NPFFR2: variants seen among roughly 807,000 people sequenced by gnomAD.
The protein encoded by NPFFR2 is neuropeptide FF receptor 2, also known as G-protein coupled receptor 74.
A neutral mutation model predicts 13.1 loss-of-function variants in NPFFR2; 15 were observed. That is an observed-to-expected ratio of 1.15 (90% confidence interval 0.77 to 1.76). The LOEUF (loss-of-function observed/expected upper bound fraction) is 1.76. Among genes scored for constraint, NPFFR2 ranks in the 40% most tolerant of loss-of-function variants. NPFFR2 has a pLI of 0.00. For synonymous variants in NPFFR2, 190 were observed against 175.7 expected, an observed-to-expected ratio of 1.08 and a Z score of -0.65; for missense variants, 572 against 503.5, an observed-to-expected ratio of 1.14 and a Z score of -1.30.
At chr4:72,129,039 C>T in intron 2 of NPFFR2, 120 bp downstream of exon 2, 1 of 746,986 alleles carries the variant, frequency 1.3e-6, no homozygotes, top group Non-Finnish European at 2.2e-6. Flanking sequence ...ATTCCAGGAA[C>T]TGATCCAGGC....
In NPFFR2 at chr4:72,032,070, G is replaced by C. The variant is rs1195354906; in HGVS notation, c.-138G>C. 1.5e-5 allele frequency: 24 copies of C among 1,613,972 alleles called. No individual in the cohort carries two copies. Among genetic ancestry groups the C allele is most frequent in the Non-Finnish European group, 2.0e-5 (24 of 1,179,990 alleles). ...GGAGTGGAGCAGGCAGTCCGCGGGG[G>C]ACAGACGTCGGCTGGGATTGAGCCG... On this transcript the variant is annotated 5_prime_UTR_variant, in exon 1 of 4. Coordinates refer to ENST00000308744, the MANE Select transcript of NPFFR2 (RefSeq NM_004885.3).
chr4:72,104,811 TAGTA>T (rs1721372418), intron 1 of NPFFR2, among the ~76,000 whole-genome samples: 1 of 151,990 alleles, frequency 6.6e-6, no homozygotes, highest in Non-Finnish European at 1.5e-5. Context: ...ACAGGAGAAT[TAGTA>T]TGAAATATAC....
chr4:72,063,913 G>T (rs1719993814), intron 1 of NPFFR2, among the ~76,000 whole-genome samples: 1 of 152,192 alleles, frequency 6.6e-6, no homozygotes, highest in Non-Finnish European at 1.5e-5. Flanking sequence ...TGTCTATGTG[G>T]CTAGAGAATG....
chr4:72,143,618 A>G (rs2109849128), intron 3 of NPFFR2, among the ~76,000 whole-genome samples: 1 of 152,296 alleles, frequency 6.6e-6, no homozygotes, highest in Admixed American at 6.5e-5. Flanking sequence ...ATTCAATCTC[A>G]GCACCCCTTG....
At chr4:72,035,499 C>G (rs567478689) in intron 1 of NPFFR2, among the ~76,000 whole-genome samples, 2 of 150,848 alleles carry the variant, frequency 1.3e-5, no homozygotes, top group Non-Finnish European at 2.9e-5. Context: ...ATAGTTTAGC[C>G]CCCCCTAAAA....
At chr4:72,097,196 C>T (rs1231287658) in intron 1 of NPFFR2, among the ~76,000 whole-genome samples, 1 of 151,994 alleles carries the variant, frequency 6.6e-6, no homozygotes, top group East Asian at 1.9e-4. Flanking sequence ...TTTATAGTTT[C>T]ACTAATAATT....
intron 1 of NPFFR2, among the ~76,000 whole-genome samples, chr4:72,056,064 T>C (rs540130946): frequency 6.6e-6 from 1 of 152,080 alleles, no homozygotes; most frequent in African/African-American, 2.4e-5. Flanking sequence ...ACTAAGATGA[T>C]TGATGAAAGT....
chr4:72,135,015 CTTAA>C (rs1560422071), intron 2 of NPFFR2, among the ~76,000 whole-genome samples: 1 of 152,038 alleles, frequency 6.6e-6, no homozygotes, highest in Non-Finnish European at 1.5e-5. Context: ...TGCCCTCACA[CTTAA>C]TTAGTTAGCT....
chr4:72,033,802 T>A (rs1181430561), intron 1 of NPFFR2, among the ~76,000 whole-genome samples: 1 of 152,232 alleles, frequency 6.6e-6, no homozygotes, highest in Non-Finnish European at 1.5e-5. Context: ...CTTTTACAGA[T>A]GTCAAAGACT....
At position 72,147,485 on chromosome 4, in the gene NPFFR2, C is replaced by G. The variant is rs149158376; in HGVS notation, c.936C>G (p.Ile312Met). 4.5e-5 allele frequency: 73 copies of G among 1,614,076 alleles called. No homozygotes were observed. The highest frequency in any genetic ancestry group is 6.1e-5 in the Non-Finnish European group (72 of 1,180,048). Residue 312 changes from isoleucine to methionine, a missense_variant, in exon 4 of 4, where the codon ATC (isoleucine) becomes ATG (methionine). Coordinates refer to ENST00000308744, the MANE Select transcript of NPFFR2 (RefSeq NM_004885.3). ...LSPNELQIIN[I>M]YIYPFAHWLA... ...CAAATGAACTGCAGATCATCAACAT[C>G]TACATCTACCCTTTTGCACACTGGC...
At chr4:72,110,768 C>T (rs1236707592) in intron 1 of NPFFR2, among the ~76,000 whole-genome samples, 2 of 151,956 alleles carry the variant, frequency 1.3e-5, no homozygotes, top group Non-Finnish European at 1.5e-5. Context: ...GTTCTGGTTT[C>T]GGGTGCATCT....
intron 2 of NPFFR2, among the ~76,000 whole-genome samples, chr4:72,136,849 AT>A (rs1177828329): frequency 6.6e-6 from 1 of 152,106 alleles, no homozygotes; most frequent in African/African-American, 2.4e-5. Flanking sequence ...TTTATATATA[AT>A]TTCCACCAAT....
Position 72,147,150 on chromosome 4 carries a change from A to T in NPFFR2, c.601A>T (p.Ser201Cys). The change falls in exon 4 of 4, where the codon AGT (serine) becomes TGT (cysteine). Residue 201 changes from serine to cysteine, a missense_variant. By Grantham distance (112) the Ser-to-Cys change is moderately radical (BLOSUM62 -1). Transcript: ENST00000308744. ...RVRLNSQNKT[S>C]PVYWCREDWP... is the part of the protein sequence containing the mutation. Reference sequence around the variant, plus strand: ...GAGACTCAACTCCCAGAATAAAACCAGTCCAGTCTACTGGTGCCGGGAAGA... The same window carrying T: ...GAGACTCAACTCCCAGAATAAAACCTGTCCAGTCTACTGGTGCCGGGAAGA... The T allele has an allele frequency of 6.2e-7, 1 of 1,614,210 alleles. No individual in the cohort carries two copies. Among genetic ancestry groups the T allele is most frequent in the Non-Finnish European group, 8.5e-7 (1 of 1,180,038 alleles).
At chr4:72,125,609 CA>C (rs1435428117) in intron 1 of NPFFR2, among the ~76,000 whole-genome samples, 1 of 152,180 alleles carries the variant, frequency 6.6e-6, no homozygotes, top group East Asian at 1.9e-4. Flanking sequence ...TAAGGCTCTA[CA>C]GAAGAATCTG....
At chr4:72,063,952 G>A (rs1169046465) in intron 1 of NPFFR2, among the ~76,000 whole-genome samples, 1 of 152,112 alleles carries the variant, frequency 6.6e-6, no homozygotes, top group East Asian at 1.9e-4. Flanking sequence ...CAATGACTGG[G>A]TCTCGATTTA....
intron 1 of NPFFR2, among the ~76,000 whole-genome samples, chr4:72,068,014 C>A (rs4694458): frequency 0.9 from 136,929 of 152,196 alleles, 62,555 homozygotes; most frequent in Non-Finnish European, 0.98. Context: ...CATGGCAATA[C>A]AGGCTTTTTT....
At chr4:72,139,565 T>C (rs969264346) in intron 3 of NPFFR2, among the ~76,000 whole-genome samples, 11 of 152,142 alleles carry the variant, frequency 7.2e-5, no homozygotes, top group Admixed American at 3.3e-4. Context: ...ATCAGATGGA[T>C]GTAGATGTGT....
chr4:72,049,461 G>C (rs544199643), intron 1 of NPFFR2, among the ~76,000 whole-genome samples: 81 of 152,102 alleles, frequency 5.3e-4, no homozygotes, highest in African/African-American at 2.0e-3. Context: ...TATATAAAAG[G>C]GCCTAGAAAA....
chr4:72,045,298 C>T (rs1052141139), intron 1 of NPFFR2, among the ~76,000 whole-genome samples: 1 of 152,160 alleles, frequency 6.6e-6, no homozygotes, highest in South Asian at 2.1e-4. Context: ...GAGAAATCTC[C>T]ACATTGTTTT....
Sources: allele counts gnomAD v4.1 joint callset (sites outside exome capture counted in the v4.1 genomes callset), GRCh38; gene constraint gnomAD v4.1.1; transcripts MANE v1.5; gene names NCBI Gene and HGNC (gene_info 2026-07-23, HGNC 2026-07-21).